SOCS5: variants seen among roughly 807,000 people sequenced by gnomAD.
SOCS5 encodes the protein CIS-6.
Under a neutral mutation model 42.8 loss-of-function variants are expected in SOCS5, and 32 were observed. The ratio of observed to expected loss-of-function variants is 0.75; its 90% CI spans 0.56 to 1.01. The LOEUF (loss-of-function observed/expected upper bound fraction) is 1.01. Among genes scored for constraint, SOCS5 ranks in the 50% least tolerant of loss-of-function variants. The probability of loss-of-function intolerance (pLI) is 0.00; values close to 1 mark genes in which losing one functional copy is unlikely to be tolerated. For missense variants in SOCS5, 627 were observed against 653.0 expected, an observed-to-expected ratio of 0.96 and a Z score of 0.43; for synonymous variants, 283 against 229.6, an observed-to-expected ratio of 1.23 and a Z score of -2.10.
rs1673793411 is a variant in SOCS5 at position 46,758,942 on chromosome 2, G to A, written c.412G>A (p.Ala138Thr). The A allele has an allele frequency of 1.2e-6, 2 of 1,613,898 alleles. No homozygotes were observed. The highest frequency in any genetic ancestry group is 1.3e-5 in the African/African-American group (1 of 74,946). Reference protein sequence around the residue: ...CSTKTQSSLDADKKFGRTRSG... With the variant: ...CSTKTQSSLDTDKKFGRTRSG... ...TACAAAGACCCAGAGTTCATTGGAT[G>A]CTGATAAAAAGTTTGGTAGAACTCG... Residue 138 changes from alanine to threonine, a missense_variant, in exon 2 of 2, where the codon GCT becomes ACT. By Grantham distance (58) the Ala-to-Thr change is moderately conservative. Around this residue, in one of 3 missense-constraint regions of SOCS5, gnomAD observed 278 missense variants for 246.3 expected, o/e 1.13. Coordinates refer to ENST00000394861, the MANE Select transcript of SOCS5 (RefSeq NM_144949.3).
rs781554212 is a variant in SOCS5 at position 46,758,958 on chromosome 2, G to T, written c.428G>T (p.Gly143Val). 7 of 1,613,838 alleles carry T rather than the reference G, an allele frequency of 4.3e-6. No homozygotes were observed. In the African/African-American group the frequency reaches 5.3e-5, roughly 12 times the overall value. ...QSSLDADKKF[G>V]RTRSGLQRRE... ...TCATTGGATGCTGATAAAAAGTTTG[G>T]TAGAACTCGAAGTGGACTTCAAAGG... The change falls in exon 2 of 2, where the codon GGT (glycine) becomes GTT (valine). Residue 143 changes from glycine to valine, a missense_variant. Physicochemically the swap from Gly to Val is moderately radical, Grantham distance 109. Transcript: ENST00000394861.
intron 1 of SOCS5, among the ~76,000 whole-genome samples, chr2:46,719,242 CT>C: frequency 6.6e-6 from 1 of 152,196 alleles, no homozygotes; most frequent in Non-Finnish European, 1.5e-5. Context: ...ATGTCCAATC[CT>C]TTTTTCCATT....
intron 1 of SOCS5, among the ~76,000 whole-genome samples, chr2:46,712,045 C>CT (rs760057106): frequency 1.3e-5 from 2 of 152,024 alleles, no homozygotes; most frequent in African/African-American, 2.4e-5. Context: ...ATTGTTTAGA[C>CT]TTTTTTTAGG....
chr2:46,711,292 G>C (rs1464004758), intron 1 of SOCS5, among the ~76,000 whole-genome samples: 1 of 152,094 alleles, frequency 6.6e-6, no homozygotes, highest in Admixed American at 6.5e-5. Context: ...TGAGAGTTCT[G>C]TTTCTTATTA....
chr2:46,724,014 G>A (rs572141360), intron 1 of SOCS5, among the ~76,000 whole-genome samples: 64 of 152,024 alleles, frequency 4.2e-4, no homozygotes, highest in African/African-American at 1.4e-3. Context: ...TTATTTCAGA[G>A]CTATTATGAT....
At chr2:46,749,512 G>T (rs1269821653) in intron 1 of SOCS5, among the ~76,000 whole-genome samples, 1 of 152,102 alleles carries the variant, frequency 6.6e-6, no homozygotes, top group Non-Finnish European at 1.5e-5. Context: ...ACATTTTGAT[G>T]AATCGTGTAT....
intron 1 of SOCS5, among the ~76,000 whole-genome samples, chr2:46,711,093 A>G (rs1350907637): frequency 6.6e-6 from 1 of 152,214 alleles, no homozygotes; most frequent in Admixed American, 6.5e-5. Context: ...TTCAACTGTT[A>G]ATGAATAAAG....
At chr2:46,703,354 G>GTT (rs111676318) in intron 1 of SOCS5, among the ~76,000 whole-genome samples, 30,988 of 147,276 alleles carry the variant, frequency 0.21, 3,598 homozygotes, top group East Asian at 0.45. Flanking sequence ...AGTTTTCACA[G>GTT]TTTTTTTTTT....
chr2:46,750,276 C>T (rs1673594758), intron 1 of SOCS5, among the ~76,000 whole-genome samples: 1 of 152,094 alleles, frequency 6.6e-6, no homozygotes, highest in African/African-American at 2.4e-5. Context: ...CTAGGCTCGG[C>T]GTGCCCTCCT....
chr2:46,705,077 TCTGA>T (rs570808270), intron 1 of SOCS5, among the ~76,000 whole-genome samples: 11 of 152,216 alleles, frequency 7.2e-5, no homozygotes, highest in Non-Finnish European at 1.3e-4. Context: ...TGTCACTATT[TCTGA>T]CTGTTTATTT....
chr2:46,715,163 G>A (rs929422909), intron 1 of SOCS5, among the ~76,000 whole-genome samples: 2 of 152,078 alleles, frequency 1.3e-5, no homozygotes, highest in Non-Finnish European at 2.9e-5. Context: ...GAACCCAGGA[G>A]TTCAAGACCA....
At chr2:46,718,889 A>G (rs1049454611) in intron 1 of SOCS5, among the ~76,000 whole-genome samples, 1 of 152,234 alleles carries the variant, frequency 6.6e-6, no homozygotes, top group Non-Finnish European at 1.5e-5. Context: ...GTTTGGCAAT[A>G]TTCAGAATCC....
chr2:46,719,318 A>T (rs1450331781), intron 1 of SOCS5, among the ~76,000 whole-genome samples: 1 of 152,240 alleles, frequency 6.6e-6, no homozygotes, highest in Admixed American at 6.5e-5. Context: ...AGGAACACTT[A>T]TTCTTACACT....
At chr2:46,734,374 CACTT>C (rs1007242432) in intron 1 of SOCS5, among the ~76,000 whole-genome samples, 2 of 152,082 alleles carry the variant, frequency 1.3e-5, no homozygotes, top group African/African-American at 4.8e-5. Context: ...GTTCAGCTAT[CACTT>C]ACTAACCTAT....
intron 1 of SOCS5, among the ~76,000 whole-genome samples, chr2:46,735,792 T>G (rs1673230057): frequency 6.6e-6 from 1 of 152,080 alleles, no homozygotes; most frequent in South Asian, 2.1e-4. Flanking sequence ...GACATTGATG[T>G]CTTTTCTTAT....
intron 1 of SOCS5, among the ~76,000 whole-genome samples, chr2:46,716,182 T>A (rs1184471388): frequency 6.6e-6 from 1 of 151,568 alleles, no homozygotes. Context: ...AGGTATTTCC[T>A]TTTTTCTTCA....
intron 1 of SOCS5, among the ~76,000 whole-genome samples, chr2:46,733,570 AAAAAAAAAAAG>A (rs1473723705): frequency 7.7e-6 from 1 of 130,186 alleles, no homozygotes; most frequent in Non-Finnish European, 1.7e-5. Context: ...CCCTGTCTCA[AAAAAAAAAAAG>A]AAAAAAAAAA....
chr2:46,723,506 C>G (rs777580217), intron 1 of SOCS5, among the ~76,000 whole-genome samples: 5 of 151,952 alleles, frequency 3.3e-5, no homozygotes, highest in Admixed American at 6.6e-5. Context: ...ATATGGGTGT[C>G]CAATTGTTAC....
At chr2:46,705,937 G>T (rs1339544860) in intron 1 of SOCS5, among the ~76,000 whole-genome samples, 3 of 152,154 alleles carry the variant, frequency 2.0e-5, no homozygotes, top group African/African-American at 7.2e-5. Flanking sequence ...TTTAGGGGAA[G>T]ATATTCCAAA....
Sources: gnomAD v4.1 joint callset for allele counts (sites outside exome capture counted in the v4.1 genomes callset) on GRCh38, gnomAD v4.1.1 for gene constraint, gnomAD v4.1.1 regional missense constraint, MANE v1.5 for transcripts, NCBI Gene and HGNC (gene_info 2026-07-23, HGNC 2026-07-21) for gene names.